PSD: variants seen among roughly 807,000 people sequenced by gnomAD.
PSD encodes PH and SEC7 domain-containing protein 1.
In PSD, 32 loss-of-function variants were observed where a neutral mutation model predicts 91.6. The observed-to-expected ratio is 0.35, with a 90% confidence interval of 0.26 to 0.47. The LOEUF (loss-of-function observed/expected upper bound fraction) is 0.47, where lower values mean the gene tolerates loss of function less well. Ranked by LOEUF, PSD falls within the 20% of genes least tolerant of loss-of-function variation. PSD has a pLI of 1.00. For missense variants in PSD, 1,099 were observed against 1,373.9 expected (o/e 0.80, Z 3.16); for synonymous variants, 532 against 569.3 (o/e 0.93, Z 0.93).
In PSD at chr10:102,402,896, G is replaced by T; in HGVS notation, c.*304C>A. 1 of 311,074 alleles carries T rather than the reference G, an allele frequency of 3.2e-6. No individual in the cohort carries two copies. The highest frequency in any genetic ancestry group is 5.9e-6 in the Non-Finnish European group (1 of 170,078). 19.3% of individuals were successfully genotyped at this position (311,074 alleles called of 1,614,324 possible). On this transcript the variant is annotated 3_prime_UTR_variant, in exon 17 of 17. Transcript: ENST00000020673. ...GTGGTCTCAGCAGAAAGCAGAAACG[G>T]CATCAGGCCTCTCCCACACAAAAAA...
Position 102,411,694 on chromosome 10 carries a change from C to A in PSD, c.1942+13G>T, listed in dbSNP as rs747938238. On this transcript the variant is annotated intron_variant, in intron 8 of 16. Transcript: ENST00000020673. ...GGCCAGCTAAGGACACCCCTGCTCT[C>A]GGAACTCCTCACCCTCTGAGGACAG... is the stretch of plus-strand genomic sequence containing the variant. The A allele has an allele frequency of 3.7e-6, 6 of 1,605,716 alleles. No homozygotes were observed. The Admixed American group carries it at 8.4e-5, about 23-fold the overall frequency.
chr10:102,403,514 AGGGCAGAAGAT>A lies in PSD; in HGVS notation c.2845-95_2845-85del. On this transcript the variant is annotated intron_variant, in intron 16 of 16. Transcript: ENST00000020673. The surrounding 1 kb of genome is among the most constrained non-coding windows in gnomAD (Gnocchi z 6.7). The stretch of plus-strand genomic sequence containing the variant: ...ATCTGGACCAGGGAGGGCCGCCAGC[AGGGCAGAAGAT>A]GGCAGGTGCCCACCCAGGACTGTGA... 1 of 1,333,768 alleles carries A rather than the reference AGGGCAGAAGAT, an allele frequency of 7.5e-7. No individual in the cohort carries two copies. The highest frequency in any genetic ancestry group is 1.0e-6 in the Non-Finnish European group (1 of 984,740). The allele number at this position is 1,333,768 out of a possible 1,614,324, so 82.6% of individuals were successfully genotyped here.
rs1335211356 is a variant in PSD, at chr10:102,414,080, C to T, written c.1242G>A (p.Arg414=). The T allele has an allele frequency of 1.2e-6, 2 of 1,614,114 alleles. No homozygotes were observed. The highest frequency in any genetic ancestry group is 2.2e-5 in the South Asian group (2 of 91,086). The part of the protein sequence containing the change: ...CVFEAILESH[R]AKGTSYTSLA... ...GGCTGGTATAGGAGGTGCCTTTGGC[C>T]CGGTGTGACTCCAGGATGGCTTCGA... The change falls in exon 5 of 17, where the codon CGG becomes CGA. Residue 414 remains arginine, a synonymous_variant. Coordinates refer to ENST00000020673, the MANE Select transcript of PSD (RefSeq NM_002779.5). This position sits in a 1 kb window ranked among gnomAD's most constrained non-coding sequence, Gnocchi z 5.6.
chr10:102,403,033 C>G lies in PSD; in HGVS notation c.*167G>C, dbSNP rs1325213615. 1 of 311,966 alleles carries G rather than the reference C, an allele frequency of 3.2e-6. No homozygotes were observed. Among genetic ancestry groups the G allele is most frequent in the East Asian group, 6.3e-5 (1 of 15,858 alleles). The allele number at this position is 311,966 out of a possible 1,614,324, so 19.3% of individuals were successfully genotyped here. On this transcript the variant is annotated 3_prime_UTR_variant, in exon 17 of 17. Coordinates refer to ENST00000020673, the MANE Select transcript of PSD (RefSeq NM_002779.5). The surrounding 1 kb of genome is among the most constrained non-coding windows in gnomAD (Gnocchi z 6.7). ...CTCTCGGAGGTGCCCCTAGCCTAGG[C>G]TCCTGAGGCCCAGGCCCCAGCCCTG...
intron 3 of PSD, 46 bp from the exon 4 acceptor site, chr10:102,415,275 C>T: frequency 6.5e-7 from 1 of 1,541,224 alleles, no homozygotes; most frequent in African/African-American, 1.4e-5. Flanking sequence ...TCCACGTCAG[C>T]TCCCTGTCCT....
chr10:102,412,476 C>T lies in PSD; in HGVS notation c.1653G>A (p.Gln551=). The T allele has an allele frequency of 6.2e-7, 1 of 1,614,184 alleles. No individual in the cohort carries two copies. Among genetic ancestry groups the T allele is most frequent in the Non-Finnish European group, 8.5e-7 (1 of 1,180,044 alleles). The stretch of plus-strand genomic sequence containing the variant: ...GCTGCGCAGCCTCCAGGTCCGCTTT[C>T]TGCCCATTGGACAAGGTGTCTGTGC... ...LGSTDTLSNG[Q]KADLEAAQRL... The change falls in exon 6 of 17, where the codon CAG becomes CAA. Residue 551 remains glutamine, a synonymous_variant. Coordinates refer to ENST00000020673, the MANE Select transcript of PSD (RefSeq NM_002779.5).
At chr10:102,412,984 T>A (rs2061439195) in intron 5 of PSD, among the ~76,000 whole-genome samples, 1 of 152,162 alleles carries the variant, frequency 6.6e-6, no homozygotes, top group Non-Finnish European at 1.5e-5. Flanking sequence ...AGGGAAAGAT[T>A]TGAGGGCAGC....
At position 102,404,843 on chromosome 10, in the gene PSD, A is replaced by G. The variant is rs1284057548; in HGVS notation, c.2555+55T>C. The G allele has an allele frequency of 1.9e-6, 3 of 1,591,362 alleles. No homozygotes were observed. The East Asian group carries it at 6.7e-5, about 36-fold the overall frequency. ...GAAAAAATCCAGGGACAGGGAGGGGAGCAGGATGGGAGGTGGGGGAAGGGG... is the reference window on the plus strand; with the variant it reads ...GAAAAAATCCAGGGACAGGGAGGGGGGCAGGATGGGAGGTGGGGGAAGGGG... On this transcript the variant is annotated intron_variant, in intron 14 of 16. Coordinates refer to ENST00000020673, the MANE Select transcript of PSD (RefSeq NM_002779.5). The surrounding 1 kb of genome is among the most constrained non-coding windows in gnomAD (Gnocchi z 5.7).
chr10:102,402,733 A>T lies in PSD; in HGVS notation c.*467T>A. ...GCCCAGGTATGGGGCCTTGGCATGG[A>T]CGCCCTTCCTCCACCTCCAGCAAGA... On this transcript the variant is annotated 3_prime_UTR_variant, in exon 17 of 17. Coordinates refer to ENST00000020673, the MANE Select transcript of PSD (RefSeq NM_002779.5). The T allele has an allele frequency of 3.6e-6, 1 of 277,866 alleles. No homozygotes were observed. 17.2% of individuals were successfully genotyped at this position (277,866 alleles called of 1,614,324 possible).
Position 102,405,294 on chromosome 10 carries a change from C to G in PSD, c.2327-41G>C. 1 of 1,609,126 alleles carries G rather than the reference C, an allele frequency of 6.2e-7. No individual in the cohort carries two copies. The highest frequency in any genetic ancestry group is 1.1e-5 in the South Asian group (1 of 91,076). ...ACAGGTCAGGGGGCCCTGGAACAGG[C>G]CCACTCCCATCCATCCCCTAGACGC... On this transcript the variant is annotated intron_variant, in intron 12 of 16. Transcript: ENST00000020673. The surrounding 1 kb of genome is among the most constrained non-coding windows in gnomAD (Gnocchi z 5.4).
Position 102,414,658 on chromosome 10 carries a change from G to A in PSD, c.1124+205C>T, listed in dbSNP as rs1239115836. Among the ~76,000 whole-genome samples, 1 of 152,110 alleles carries A rather than the reference G, an allele frequency of 6.6e-6. No homozygotes were observed. Among genetic ancestry groups the A allele is most frequent in the Non-Finnish European group, 1.5e-5 (1 of 68,014 alleles). On this transcript the variant is annotated intron_variant, in intron 4 of 16. Transcript: ENST00000020673. This position sits in a 1 kb window ranked among gnomAD's most constrained non-coding sequence, Gnocchi z 5.6. ...TCTCACCCTGCCCCCTGTTCTGCTA[G>A]AACCCCTGGCCTCTTTGCTCCCCAC... is the stretch of plus-strand genomic sequence containing the variant.
chr10:102,405,493 G>C lies in PSD; in HGVS notation c.2179C>G (p.Pro727Ala). ...ATCCGCTTGATGACCTTGGGGTTGGGGTCGGCCAACTCAGACAGAGAGCGT... is the reference window on the plus strand; with the variant it reads ...ATCCGCTTGATGACCTTGGGGTTGGCGTCGGCCAACTCAGACAGAGAGCGT... ...LRRSLSELAD[P>A]NPKVIKRISG... Residue 727 changes from proline to alanine, a missense_variant, in exon 12 of 17, where the codon CCC (proline) becomes GCC (alanine). Pro to Ala is a conservative substitution (Grantham distance 27). Transcript: ENST00000020673. The surrounding 1 kb of genome is among the most constrained non-coding windows in gnomAD (Gnocchi z 5.4). The C allele has an allele frequency of 6.2e-7, 1 of 1,613,972 alleles. No homozygotes were observed. Among genetic ancestry groups the C allele is most frequent in the Non-Finnish European group, 8.5e-7 (1 of 1,179,974 alleles).
chr10:102,410,902 C>G lies in PSD; in HGVS notation c.2047G>C (p.Glu683Gln). The G allele has an allele frequency of 6.2e-7, 1 of 1,614,032 alleles. No homozygotes were observed. Among genetic ancestry groups the G allele is most frequent in the South Asian group, 1.1e-5 (1 of 91,082 alleles). The change falls in exon 10 of 17, where the codon GAG becomes CAG. Residue 683 changes from glutamate (E) to glutamine (Q), a missense_variant. Transcript: ENST00000020673. The surrounding 1 kb of genome is among the most constrained non-coding windows in gnomAD (Gnocchi z 6.0). Reference sequence around the variant, plus strand: ...AAGTCGCCGCCATCATTGAGGCCCTCCAGGTTCCCGATGAAGTCCCCGCAG... The same window carrying G: ...AAGTCGCCGCCATCATTGAGGCCCTGCAGGTTCCCGATGAAGTCCCCGCAG... Reference protein sequence around the residue: ...MTCGDFIGNLEGLNDGGDFPR... With the variant: ...MTCGDFIGNLQGLNDGGDFPR...
chr10:102,408,225 G>T (rs1465381553), intron 10 of PSD, among the ~76,000 whole-genome samples: 1 of 152,186 alleles, frequency 6.6e-6, no homozygotes, highest in Non-Finnish European at 1.5e-5. Flanking sequence ...TGAGCTGGGT[G>T]CAGTGGTGAC....
rs1024308495 is a variant in PSD at position 102,411,876 on chromosome 10, C to G, written c.1830-57G>C. Reference sequence around the variant, plus strand: ...AACCAGGAGTTTCCAGCCTCTGTCTCTGGGGTGACAGGAGGCTTTGAGAGT... The same window carrying G: ...AACCAGGAGTTTCCAGCCTCTGTCTGTGGGGTGACAGGAGGCTTTGAGAGT... On this transcript the variant is annotated intron_variant, in intron 7 of 16. Transcript: ENST00000020673. 3 of 1,322,588 alleles carry G rather than the reference C, an allele frequency of 2.3e-6. No individual in the cohort carries two copies. The African/African-American group carries it at 4.4e-5, about 19-fold the overall frequency. 81.9% of individuals were successfully genotyped at this position (1,322,588 alleles called of 1,614,324 possible). A position where few individuals can be genotyped will look rare whatever the true frequency, so the allele number is the denominator to read the frequency against.
At position 102,416,483 on chromosome 10, in the gene PSD, C is replaced by T. The variant is rs1371062329; in HGVS notation, c.556G>A (p.Asp186Asn). 1 of 1,613,536 alleles carries T rather than the reference C, an allele frequency of 6.2e-7. No individual in the cohort carries two copies. ...TTGGGGAGAGAGGAGTAAAGGCCAT[C>T]TGCTCCAACCTGGGGTGGGGCTGGC... The part of the protein sequence containing the change: ...GPPAPPQVGA[D>N]GLYSSLPNGL... Residue 186 changes from aspartate (D) to asparagine (N), a missense_variant, in exon 2 of 17, where the codon GAT becomes AAT. Coordinates refer to ENST00000020673, the MANE Select transcript of PSD (RefSeq NM_002779.5). The surrounding 1 kb of genome is among the most constrained non-coding windows in gnomAD (Gnocchi z 6.0).
chr10:102,412,275 G>A (rs1342675024), intron 6 of PSD, 48 bp from the exon 7 acceptor site: 1 of 1,609,838 alleles, frequency 6.2e-7, no homozygotes, highest in Admixed American at 1.7e-5. Flanking sequence ...GGAAGTGCAG[G>A]GGGTCAGGTG....
At chr10:102,411,565 C>T (rs1158293482) in intron 8 of PSD, 142 bp downstream of exon 8, 5 of 688,410 alleles carry the variant, frequency 7.3e-6, no homozygotes, top group African/African-American at 1.8e-5. Context: ...GCTGTCTGCA[C>T]ACATGCAAGT....
chr10:102,411,001 C>T (rs1411615426), intron 9 of PSD, 54 bp from the exon 10 acceptor site: 1 of 1,613,344 alleles, frequency 6.2e-7, no homozygotes, highest in Non-Finnish European at 8.5e-7. Flanking sequence ...CCTCCCAGGT[C>T]CTGCATGTCT....
Sources: allele counts gnomAD v4.1 joint callset (sites outside exome capture counted in the v4.1 genomes callset), GRCh38; gene constraint gnomAD v4.1.1; non-coding constraint Gnocchi (gnomAD v3.1); transcripts MANE v1.5; gene names NCBI Gene and HGNC (gene_info 2026-07-23, HGNC 2026-07-21).